Variants in VPS8 observed in about 807,000 individuals in gnomAD.
VPS8 encodes VPS8 subunit of CORVET complex, also known as vacuolar protein sorting-associated protein 8 homolog.
VPS8 carries 129 observed loss-of-function variants against 216.4 expected under a neutral mutation model. The ratio of observed to expected loss-of-function variants is 0.60; its 90% CI spans 0.52 to 0.69. VPS8 has a LOEUF of 0.69. Ranked by LOEUF, VPS8 falls within the 30% of genes least tolerant of loss-of-function variation. The pLI, the probability that VPS8 is intolerant of heterozygous loss-of-function variation, is 0.00. For missense variants in VPS8, 1,531 were observed against 1,683.5 expected (o/e 0.91, Z 1.59); for synonymous variants, 571 against 565.4 (o/e 1.01, Z -0.14).
At chr3:184,921,805 T>A (rs961744575) in intron 29 of VPS8, among the ~76,000 whole-genome samples, 3 of 152,160 alleles carry the variant, frequency 2.0e-5, no homozygotes, top group Non-Finnish European at 2.9e-5. Context: ...CCTCAGGTAA[T>A]CCGCCCACCT....
At chr3:184,992,827 G>A (rs1198566801) in intron 42 of VPS8, among the ~76,000 whole-genome samples, 1 of 152,002 alleles carries the variant, frequency 6.6e-6, no homozygotes, top group Admixed American at 6.6e-5. Context: ...ATGCTGATGG[G>A]GATAAAAATC....
intron 36 of VPS8, among the ~76,000 whole-genome samples, chr3:184,947,276 A>T (rs1326199353): frequency 6.6e-6 from 1 of 152,088 alleles, no homozygotes; most frequent in Non-Finnish European, 1.5e-5. Context: ...TTTTGGGGAG[A>T]TGTATTTTGA....
chr3:185,039,538 T>G (rs1759360324), intron 46 of VPS8, among the ~76,000 whole-genome samples: 1 of 151,848 alleles, frequency 6.6e-6, no homozygotes, highest in Admixed American at 6.6e-5. Flanking sequence ...GTTTTTTTTT[T>G]GGAAAAGAAA....
intron 21 of VPS8, among the ~76,000 whole-genome samples, chr3:184,877,083 G>T (rs188720641): frequency 7.2e-5 from 11 of 152,244 alleles, no homozygotes; most frequent in Admixed American, 2.0e-4. Flanking sequence ...TAACATCCCT[G>T]TTCTCTCTTT....
rs1311030425 is a variant in VPS8, at chr3:184,894,931, T to C, written c.2004+6T>C. 1.3e-6 allele frequency: 2 copies of C among 1,591,392 alleles called. No homozygotes were observed. The highest frequency in any genetic ancestry group is 1.7e-6 in the Non-Finnish European group (2 of 1,167,298). ...CCAGCCTAGATATTCAGCAGGTGAG[T>C]TTATAGACAGTCTACTAACTTATGA... is the stretch of plus-strand genomic sequence containing the variant. On this transcript the variant is annotated splice_donor_region_variant and intron_variant, in intron 23 of 47. Coordinates refer to ENST00000625842, the MANE Select transcript of VPS8 (RefSeq NM_001009921.3).
intron 39 of VPS8, among the ~76,000 whole-genome samples, chr3:184,967,826 A>C (rs1490322931): frequency 7.2e-6 from 1 of 139,726 alleles, no homozygotes; most frequent in Non-Finnish European, 1.6e-5. Flanking sequence ...GTCGCAACAG[A>C]GCAAAACTCC....
At chr3:184,996,547 G>C in intron 44 of VPS8, 46 bp downstream of exon 44, 1 of 1,533,040 alleles carries the variant, frequency 6.5e-7, no homozygotes. Flanking sequence ...ATGTACATCT[G>C]TGGCATTACC....
At chr3:184,850,681 A>G (rs144441149) in intron 10 of VPS8, among the ~76,000 whole-genome samples, 6 of 152,372 alleles carry the variant, frequency 3.9e-5, no homozygotes, top group African/African-American at 1.4e-4. Context: ...GTTCAGAAGC[A>G]TAAAAGGTAA....
At chr3:185,048,695 G>A in intron 47 of VPS8, 136 bp downstream of exon 47, 1 of 885,916 alleles carries the variant, frequency 1.1e-6, no homozygotes, top group Non-Finnish European at 1.7e-6. Context: ...ATGGCTACAT[G>A]GACAACAGAC....
intron 37 of VPS8, among the ~76,000 whole-genome samples, chr3:184,959,452 GA>G (rs944763762): frequency 2.6e-5 from 4 of 152,022 alleles, no homozygotes; most frequent in African/African-American, 9.7e-5. Context: ...ATCAGGTATA[GA>G]AAAAAGTAAA....
In VPS8 at chr3:184,868,969, A is replaced by C. The variant is rs771671973; in HGVS notation, c.1530A>C (p.Gln510His). The C allele has an allele frequency of 1.9e-6, 3 of 1,610,244 alleles. No homozygotes were observed. Among genetic ancestry groups the C allele is most frequent in the Non-Finnish European group, 2.5e-6 (3 of 1,178,350 alleles). ...WRERVDHLLK[Q>H]DCLTEALALA... ...AGAGAGTGGATCATCTCCTGAAACAAGATTGTCTTACAGAAGCGTTGGCTC... is the reference window on the plus strand; with the variant it reads ...AGAGAGTGGATCATCTCCTGAAACACGATTGTCTTACAGAAGCGTTGGCTC... Residue 510 changes from glutamine to histidine, a missense_variant, in exon 19 of 48, where the codon CAA (glutamine) becomes CAC (histidine). Transcript: ENST00000625842.
intron 46 of VPS8, among the ~76,000 whole-genome samples, chr3:185,041,000 C>T (rs1216878853): frequency 2.0e-5 from 3 of 152,094 alleles, no homozygotes; most frequent in Admixed American, 6.5e-5. Context: ...GTCAGGAGTT[C>T]GAGACTAGCC....
intron 4 of VPS8, 30 bp from the exon 5 acceptor site, chr3:184,834,619 T>C (rs990284198): frequency 3.3e-6 from 5 of 1,507,862 alleles, no homozygotes; most frequent in Non-Finnish European, 1.8e-6. Flanking sequence ...TTTTTATCTG[T>C]TTTTAAATGT....
chr3:184,876,143 T>G (rs1359292194), intron 21 of VPS8, among the ~76,000 whole-genome samples: 1 of 152,172 alleles, frequency 6.6e-6, no homozygotes, highest in Non-Finnish European at 1.5e-5. Flanking sequence ...AGTCTGTCCA[T>G]TTTTGGCTTC....
chr3:185,042,193 A>G (rs953930427), intron 46 of VPS8, among the ~76,000 whole-genome samples: 4 of 152,068 alleles, frequency 2.6e-5, no homozygotes, highest in African/African-American at 9.7e-5. Flanking sequence ...GAGAGCCCCT[A>G]CTCTGTGTTG....
At chr3:184,821,548 G>A (rs1305269830) in intron 1 of VPS8, among the ~76,000 whole-genome samples, 1 of 151,750 alleles carries the variant, frequency 6.6e-6, no homozygotes, top group Non-Finnish European at 1.5e-5. Flanking sequence ...AGGTTTCACC[G>A]TGTTGCTGCC....
chr3:185,013,677 C>A (rs1279643090), intron 45 of VPS8, among the ~76,000 whole-genome samples: 1 of 152,162 alleles, frequency 6.6e-6, no homozygotes, highest in Non-Finnish European at 1.5e-5. Context: ...TTATGTTTAG[C>A]TCCTACAACG....
At chr3:184,887,423 C>T (rs544771645) in intron 22 of VPS8, among the ~76,000 whole-genome samples, 1 of 150,686 alleles carries the variant, frequency 6.6e-6, no homozygotes, top group Admixed American at 6.6e-5. Context: ...TTTTTTTCCA[C>T]ACTAATAATG....
intron 23 of VPS8, among the ~76,000 whole-genome samples, 163 bp downstream of exon 23, chr3:184,895,088 C>T (rs1733143405): frequency 6.6e-6 from 1 of 152,164 alleles, no homozygotes; most frequent in Non-Finnish European, 1.5e-5. Context: ...CAATATATTT[C>T]CTAGGACTGT....
Sources: gnomAD v4.1 joint callset for allele counts (sites outside exome capture counted in the v4.1 genomes callset) on GRCh38, gnomAD v4.1.1 for gene constraint, MANE v1.5 for transcripts, NCBI Gene and HGNC (gene_info 2026-07-23, HGNC 2026-07-21) for gene names.